Variants in SAMTOR observed in about 807,000 individuals in gnomAD.
SAMTOR encodes UPF0532 protein C7orf60.
the SAMTOR span, among the ~76,000 whole-genome samples, chr7:112,848,921 C>T: frequency 6.6e-6 from 1 of 152,024 alleles, no homozygotes; most frequent in Non-Finnish European, 1.5e-5. Flanking sequence ...TGGTGGTACA[C>T]GCCTGTAATC....
At chr7:112,867,141 C>G in the SAMTOR span, among the ~76,000 whole-genome samples, 12 of 152,314 alleles carry the variant, frequency 7.9e-5, no homozygotes, top group African/African-American at 2.9e-4. Context: ...GCAATGGATC[C>G]TAACCTGAAT....
At chr7:112,825,616 G>A in the SAMTOR span, among the ~76,000 whole-genome samples, 7 of 152,116 alleles carry the variant, frequency 4.6e-5, no homozygotes, top group Admixed American at 3.9e-4. Flanking sequence ...ATAGATGATC[G>A]ATGACACCTG....
chr7:112,917,208 G>C, the SAMTOR span, among the ~76,000 whole-genome samples: 29 of 152,290 alleles, frequency 1.9e-4, no homozygotes, highest in East Asian at 1.4e-3. Flanking sequence ...CCCCCCAGTA[G>C]GGGCAGACTG....
chr7:112,859,744 A>G, the SAMTOR span, among the ~76,000 whole-genome samples: 1 of 152,254 alleles, frequency 6.6e-6, no homozygotes, highest in African/African-American at 2.4e-5. Context: ...TAGAATAAGA[A>G]TATAAAGGAA....
At chr7:112,910,831 G>A in the SAMTOR span, among the ~76,000 whole-genome samples, 1 of 152,162 alleles carries the variant, frequency 6.6e-6, no homozygotes, top group Non-Finnish European at 1.5e-5. Flanking sequence ...AATCCTGCAT[G>A]TAGAACACAA....
the SAMTOR span, among the ~76,000 whole-genome samples, chr7:112,834,037 C>G: frequency 2.0e-5 from 3 of 152,188 alleles, no homozygotes; most frequent in African/African-American, 7.2e-5. Context: ...TGAATGTCTA[C>G]AGTTTAGTTT....
At chr7:112,829,414 T>C in the SAMTOR span, among the ~76,000 whole-genome samples, 17 of 152,340 alleles carry the variant, frequency 1.1e-4, no homozygotes, top group African/African-American at 2.2e-4. Flanking sequence ...GGAAAGAATA[T>C]AAACTGTGTA....
chr7:112,895,382 T>C, the SAMTOR span, among the ~76,000 whole-genome samples: 1 of 152,112 alleles, frequency 6.6e-6, no homozygotes, highest in Non-Finnish European at 1.5e-5. Flanking sequence ...GAACCACTAG[T>C]TTTCCAGATA....
chr7:112,882,766 T>TTA, the SAMTOR span, among the ~76,000 whole-genome samples: 3 of 120,670 alleles, frequency 2.5e-5, no homozygotes, highest in Non-Finnish European at 5.3e-5. Context: ...CATCTTTTTT[T>TTA]AAAAAAAAAA....
the SAMTOR span, chr7:112,821,828 C>A: frequency 3.1e-6 from 5 of 1,613,388 alleles, no homozygotes; most frequent in African/African-American, 1.3e-5. Flanking sequence ...AGTCATATGG[C>A]GCATCAGGGA....
chr7:112,843,161 A>C, the SAMTOR span, among the ~76,000 whole-genome samples: 3 of 152,018 alleles, frequency 2.0e-5, no homozygotes, highest in Non-Finnish European at 4.4e-5. Context: ...AGGTTTTAAA[A>C]TAATTTTTGG....
At chr7:112,850,487 T>C in the SAMTOR span, among the ~76,000 whole-genome samples, 3 of 152,284 alleles carry the variant, frequency 2.0e-5, no homozygotes, top group East Asian at 5.8e-4. Flanking sequence ...TACCAGTTCT[T>C]CTTTGTGCAT....
At chr7:112,854,798 A>G in the SAMTOR span, among the ~76,000 whole-genome samples, 1 of 152,206 alleles carries the variant, frequency 6.6e-6, no homozygotes, top group Non-Finnish European at 1.5e-5. Flanking sequence ...CTTCTTAACA[A>G]AGGCAAGTAT....
At chr7:112,837,716 TG>T in the SAMTOR span, among the ~76,000 whole-genome samples, 1 of 152,010 alleles carries the variant, frequency 6.6e-6, no homozygotes, top group African/African-American at 2.4e-5. Context: ...TGGCTACTTG[TG>T]GTCATTTGGT....
the SAMTOR span, among the ~76,000 whole-genome samples, chr7:112,895,909 T>A: frequency 6.6e-6 from 1 of 152,216 alleles, no homozygotes; most frequent in Non-Finnish European, 1.5e-5. Flanking sequence ...TTCAAATTTT[T>A]AAAAATTACT....
the SAMTOR span, among the ~76,000 whole-genome samples, chr7:112,864,052 C>T: frequency 4.6e-5 from 7 of 152,144 alleles, no homozygotes; most frequent in Middle Eastern, 3.2e-3. Flanking sequence ...ATATACACCA[C>T]GGAATACTAT....
the SAMTOR span, among the ~76,000 whole-genome samples, chr7:112,923,860 G>A: frequency 1.7e-4 from 26 of 151,908 alleles, no homozygotes; most frequent in Admixed American, 7.9e-4. Flanking sequence ...ATACTATGCC[G>A]CCATAAAAAA....
chr7:112,846,145 CTTTTTT>C, the SAMTOR span, among the ~76,000 whole-genome samples: 1 of 129,004 alleles, frequency 7.8e-6, no homozygotes, highest in Non-Finnish European at 1.6e-5. Flanking sequence ...ATCTGTACAA[CTTTTTT>C]TTTTTTTTTT....
At chr7:112,922,640 C>T in the SAMTOR span, among the ~76,000 whole-genome samples, 6 of 151,726 alleles carry the variant, frequency 4.0e-5, no homozygotes, top group Non-Finnish European at 5.9e-5. Context: ...CACCTCTGCC[C>T]GGCCATGACC....
Sources: allele counts gnomAD v4.1 joint callset (sites outside exome capture counted in the v4.1 genomes callset), GRCh38; gene constraint gnomAD v4.1.1; transcripts MANE v1.5; gene names NCBI Gene and HGNC (gene_info 2026-07-23, HGNC 2026-07-21).